The following RAB31 variants were observed in gnomAD, a reference collection of about 807,000 sequenced individuals.
RAB31 encodes the protein ras-related protein Rab-31.
RAB31 carries 21 observed loss-of-function variants against 25.6 expected under a neutral mutation model. The ratio of observed to expected loss-of-function variants is 0.82; its 90% CI spans 0.58 to 1.18. RAB31 has a LOEUF of 1.18. Ranked by LOEUF, RAB31 falls within the 50% of genes most tolerant of loss-of-function variation. RAB31 has a pLI of 0.00. For missense variants in RAB31, 196 were observed against 250.1 expected, an observed-to-expected ratio of 0.78 and a Z score of 1.46; for synonymous variants, 87 against 84.0, an observed-to-expected ratio of 1.04 and a Z score of -0.20.
intron 1 of RAB31, among the ~76,000 whole-genome samples, chr18:9,743,014 G>A (rs2068187725): frequency 6.6e-6 from 1 of 152,210 alleles, no homozygotes; most frequent in South Asian, 2.1e-4. Flanking sequence ...TTCTCGGACT[G>A]TAGCAAACAT....
At chr18:9,832,158 A>G (rs924148871) in intron 5 of RAB31, among the ~76,000 whole-genome samples, 3 of 152,302 alleles carry the variant, frequency 2.0e-5, no homozygotes, top group Non-Finnish European at 4.4e-5. Context: ...AACTGGCCCA[A>G]AGGGATTCAG....
At chr18:9,741,113 C>T (rs60323473) in intron 1 of RAB31, among the ~76,000 whole-genome samples, 2,076 of 152,062 alleles carry the variant, frequency 0.014, 46 homozygotes, top group African/African-American at 0.047. Context: ...TGGTGGCTCA[C>T]GCCTGTAATC....
chr18:9,724,296 A>AAC (rs1568162633), intron 1 of RAB31, among the ~76,000 whole-genome samples: 34 of 147,990 alleles, frequency 2.3e-4, no homozygotes, highest in Non-Finnish European at 4.3e-4. Context: ...AACAAAAAAA[A>AAC]AACATTATTA....
In RAB31 at chr18:9,778,480, C is replaced by T. The variant is rs143004644; in HGVS notation, c.119+3123C>T. ...CCTATAACTTTTTGTTTTTTTGAGACGGTACTTGGCTCAAAAGTCTTGCTC... is the reference window on the plus strand; with the variant it reads ...CCTATAACTTTTTGTTTTTTTGAGATGGTACTTGGCTCAAAAGTCTTGCTC... On this transcript the variant is annotated intron_variant, in intron 2 of 6. Transcript: ENST00000578921. 4.9e-3 allele frequency among the ~76,000 whole-genome samples: 747 copies of T among 152,192 alleles called. 6 individuals are homozygous for T. The highest frequency in any genetic ancestry group is 0.017 in the African/African-American group (687 of 41,516).
At chr18:9,736,219 T>A (rs2068150582) in intron 1 of RAB31, among the ~76,000 whole-genome samples, 1 of 152,118 alleles carries the variant, frequency 6.6e-6, no homozygotes, top group South Asian at 2.1e-4. Context: ...AGTGATCCTC[T>A]CCCCTCAGCT....
At chr18:9,730,206 G>A (rs1456338977) in intron 1 of RAB31, among the ~76,000 whole-genome samples, 3 of 151,782 alleles carry the variant, frequency 2.0e-5, no homozygotes, top group African/African-American at 4.8e-5. Flanking sequence ...AATTTCTTAC[G>A]CAGCCCAAAA....
At chr18:9,777,310 G>A (rs750695947) in intron 2 of RAB31, among the ~76,000 whole-genome samples, 1 of 152,194 alleles carries the variant, frequency 6.6e-6, no homozygotes, top group Non-Finnish European at 1.5e-5. Flanking sequence ...GGGCAACAGA[G>A]CGAGACTTCA....
chr18:9,791,082 T>C (rs2068457238), intron 2 of RAB31, among the ~76,000 whole-genome samples: 2 of 152,248 alleles, frequency 1.3e-5, no homozygotes, highest in African/African-American at 2.4e-5. Context: ...CCTTCCTTTT[T>C]TATAGAGAAA....
At chr18:9,726,524 A>G (rs1018650602) in intron 1 of RAB31, among the ~76,000 whole-genome samples, 1 of 151,974 alleles carries the variant, frequency 6.6e-6, no homozygotes, top group Non-Finnish European at 1.5e-5. Context: ...AATATTCAAG[A>G]TATTACCTTA....
At chr18:9,774,775 G>T (rs754972241) in intron 1 of RAB31, 14 of 489,462 alleles carry the variant, frequency 2.9e-5, no homozygotes, top group African/African-American at 2.0e-5. Flanking sequence ...GCAAAATTTG[G>T]AAGTTATTAC....
intron 1 of RAB31, among the ~76,000 whole-genome samples, chr18:9,738,585 C>T: frequency 6.6e-6 from 1 of 152,212 alleles, no homozygotes; most frequent in Non-Finnish European, 1.5e-5. Context: ...CTGGGGAGGG[C>T]ATGGAAGTCC....
intron 1 of RAB31, among the ~76,000 whole-genome samples, chr18:9,769,178 G>A (rs1411509679): frequency 3.3e-5 from 5 of 152,108 alleles, no homozygotes; most frequent in Non-Finnish European, 7.4e-5. Flanking sequence ...GGCTATACGG[G>A]CTCTTTTTTT....
chr18:9,801,171 C>T (rs1261790090), intron 3 of RAB31, among the ~76,000 whole-genome samples: 1 of 152,128 alleles, frequency 6.6e-6, no homozygotes, highest in Non-Finnish European at 1.5e-5. Flanking sequence ...ATTCCATTGT[C>T]TGGATAGACC....
intron 3 of RAB31, among the ~76,000 whole-genome samples, chr18:9,803,526 C>G (rs548479052): frequency 1.3e-5 from 2 of 152,084 alleles, no homozygotes; most frequent in Non-Finnish European, 2.9e-5. Context: ...CCTCCATGCC[C>G]CTAGTAACTC....
At chr18:9,730,152 G>A (rs2068115401) in intron 1 of RAB31, among the ~76,000 whole-genome samples, 1 of 152,176 alleles carries the variant, frequency 6.6e-6, no homozygotes, top group African/African-American at 2.4e-5. Context: ...GAGATTTTAA[G>A]TTTAAAAACA....
chr18:9,786,768 G>C (rs1207874973), intron 2 of RAB31: 1 of 152,206 alleles, frequency 6.6e-6, no homozygotes, highest in African/African-American at 2.4e-5. Context: ...TTCTCTCGGA[G>C]GGATATCTTT....
intron 1 of RAB31, among the ~76,000 whole-genome samples, chr18:9,741,166 A>G (rs2068176772): frequency 6.6e-6 from 1 of 151,954 alleles, no homozygotes; most frequent in South Asian, 2.1e-4. Flanking sequence ...ACTTGAGGTC[A>G]GGAGTTCGAG....
At chr18:9,772,421 G>A (rs1009747622) in intron 1 of RAB31, among the ~76,000 whole-genome samples, 2 of 152,248 alleles carry the variant, frequency 1.3e-5, no homozygotes, top group Admixed American at 1.3e-4. Flanking sequence ...AGGGGCCACA[G>A]GTGGGGCAGC....
intron 1 of RAB31, among the ~76,000 whole-genome samples, chr18:9,761,789 G>T (rs146349580): frequency 6.6e-6 from 1 of 152,156 alleles, no homozygotes; most frequent in South Asian, 2.1e-4. Flanking sequence ...AAAGAGGGTC[G>T]CAAGCATCTT....
Sources: gnomAD v4.1 joint callset for allele counts (sites outside exome capture counted in the v4.1 genomes callset) on GRCh38, gnomAD v4.1.1 for gene constraint, MANE v1.5 for transcripts, NCBI Gene and HGNC (gene_info 2026-07-23, HGNC 2026-07-21) for gene names.